The following TBATA variants were observed in gnomAD, a reference collection of about 807,000 sequenced individuals.
TBATA encodes the protein thymus, brain and testes associated, also known as protein TBATA.
A neutral mutation model predicts 38.7 loss-of-function variants in TBATA; 47 were observed. The observed-to-expected ratio is 1.21, with a 90% CI of 0.96 to 1.55. The LOEUF is 1.55. TBATA is among the 40% of genes most tolerant of loss of function. The pLI is 0.00. For synonymous variants in TBATA, 183 were observed against 170.5 expected (o/e 1.07, Z -0.57); for missense variants, 436 against 435.6 (o/e 1.00, Z -0.01).
Position 70,771,988 on chromosome 10 carries a change from C to A in TBATA, c.973+526G>T, listed in dbSNP as rs751688133. Reference sequence around the variant, plus strand: ...TTTACCGCAGGCCAGCTCCTCCCACCTGTCTCATGCCTCCCTTACCACTGT... The same window carrying A: ...TTTACCGCAGGCCAGCTCCTCCCACATGTCTCATGCCTCCCTTACCACTGT... On this transcript the variant is annotated intron_variant, in intron 10 of 10. Coordinates refer to ENST00000456372, the MANE Select transcript of TBATA (RefSeq NM_001318241.2). Among the ~76,000 whole-genome samples, 121 of 152,306 alleles carry A rather than the reference C, an allele frequency of 7.9e-4. 1 individual carries two copies. The highest frequency in any genetic ancestry group is 2.6e-4 in the Non-Finnish European group (18 of 68,030).
chr10:70,781,749 A>G (rs1844242564), intron 4 of TBATA, 52 bp downstream of exon 4: 2 of 1,527,326 alleles, frequency 1.3e-6, no homozygotes, highest in East Asian at 2.3e-5. Context: ...CCAGTTCTCA[A>G]GACCAATTAG....
Position 70,783,554 on chromosome 10 carries a change from T to C in TBATA, c.-146-29A>G, listed in dbSNP as rs75485487. On this transcript the variant is annotated intron_variant, in intron 2 of 10. Transcript: ENST00000456372. ...TAGGGGGAGAAATGGTAATATCTTT[T>C]AAAATTGAGCATTTGCATGCTGTAT... 5,571 of 660,816 alleles carry C rather than the reference T, an allele frequency of 8.4e-3. 220 individuals carry two copies. The African/African-American group carries it at 0.09, about 11-fold the overall frequency. The allele number at this position is 660,816 out of a possible 1,614,324, so 40.9% of individuals were successfully genotyped here.
In TBATA at chr10:70,782,009, C is replaced by A. The variant is rs776121365; in HGVS notation, c.69G>T (p.Lys23Asn). The A allele has an allele frequency of 2.1e-5, 34 of 1,614,120 alleles. No individual in the cohort carries two copies. Among genetic ancestry groups the A allele is most frequent in the African/African-American group, 2.7e-5 (2 of 74,944 alleles). ...GGCTCCTTGGCTTGCGCCCTGACTTCTTCTCCAGTTTCAGCTCAGCCTTTG... is the reference window on the plus strand; with the variant it reads ...GGCTCCTTGGCTTGCGCCCTGACTTATTCTCCAGTTTCAGCTCAGCCTTTG... ...MSPKAELKLEKKSGRKPRSPR... is the reference protein window; with the variant it reads ...MSPKAELKLENKSGRKPRSPR... Residue 23 changes from lysine (K) to asparagine (N), a missense_variant, in exon 4 of 11, where the codon AAG (lysine) becomes AAT (asparagine). By Grantham distance (94) the Lys-to-Asn change is moderately conservative (BLOSUM62 0). Transcript: ENST00000456372.
At chr10:70,779,463 G>A in intron 5 of TBATA, 130 bp downstream of exon 5, 2 of 1,095,928 alleles carry the variant, frequency 1.8e-6, no homozygotes, top group African/African-American at 1.6e-5. Context: ...GAGAAAAAGT[G>A]GGGTTCCCCC....
chr10:70,781,949 G>A lies in TBATA; in HGVS notation c.129C>T (p.Ile43=), dbSNP rs141380933. Reference sequence around the variant, plus strand: ...TCCGCTCGAAATCCACAATCCCTGGGATCACCAGTTCTTTCTGTGGCCCAC... The same window carrying A: ...TCCGCTCGAAATCCACAATCCCTGGAATCACCAGTTCTTTCTGTGGCCCAC... ...RDSGPQKELV[I]PGIVDFERIR... The change falls in exon 4 of 11, where the codon ATC becomes ATT. Residue 43 remains isoleucine, a synonymous_variant. Coordinates refer to ENST00000456372, the MANE Select transcript of TBATA (RefSeq NM_001318241.2). 3.7e-5 allele frequency: 60 copies of A among 1,614,128 alleles called. No individual in the cohort carries two copies. Among genetic ancestry groups the A allele is most frequent in the Non-Finnish European group, 5.1e-5 (60 of 1,180,052 alleles).
intron 4 of TBATA, among the ~76,000 whole-genome samples, chr10:70,781,527 T>A (rs1012037599): frequency 1.3e-5 from 2 of 152,252 alleles, no homozygotes; most frequent in African/African-American, 2.4e-5. Context: ...AACAGAGCAC[T>A]GCTCCAGGAC....
At chr10:70,780,308 T>C (rs557058420) in intron 4 of TBATA, among the ~76,000 whole-genome samples, 1 of 152,236 alleles carries the variant, frequency 6.6e-6, no homozygotes, top group Non-Finnish European at 1.5e-5. Flanking sequence ...GTGATTATTA[T>C]ATCACTATTG....
At chr10:70,776,555 G>A (rs1166791962) in intron 7 of TBATA, among the ~76,000 whole-genome samples, 1 of 152,234 alleles carries the variant, frequency 6.6e-6, no homozygotes, top group Non-Finnish European at 1.5e-5. Flanking sequence ...CAGAGGGAGT[G>A]TGTGCCTGAC....
In TBATA at chr10:70,780,633, G is replaced by A. The variant is rs1017627191; in HGVS notation, c.278-891C>T. Among the ~76,000 whole-genome samples, 15 of 151,886 alleles carry A rather than the reference G, an allele frequency of 9.9e-5. 1 individual carries two copies. The South Asian group carries it at 1.3e-3, about 13-fold the overall frequency. ...GAACTCCAGATCCGACTGCACCCCC[G>A]TACCTCCACCTGGAGGTCTAGAAAG... On this transcript the variant is annotated intron_variant, in intron 4 of 10. Transcript: ENST00000456372.
Position 70,777,239 on chromosome 10 carries a change from G to A in TBATA, c.607C>T (p.Arg203Cys), listed in dbSNP as rs773032781. 2.9e-5 allele frequency: 46 copies of A among 1,613,466 alleles called. No individual in the cohort carries two copies. Among genetic ancestry groups the A allele is most frequent in the Middle Eastern group, 1.6e-4 (1 of 6,082 alleles). Reference sequence around the variant, plus strand: ...CTCTGCTGGCCCTGGTGAGATCTGCGGCGGCCGACAGCCCGGGTGGAAGCG... The same window carrying A: ...CTCTGCTGGCCCTGGTGAGATCTGCAGCGGCCGACAGCCCGGGTGGAAGCG... ...IPASTRAVGR[R>C]RSHQGQQSQS... Residue 203 changes from arginine to cysteine, a missense_variant, in exon 7 of 11, where the codon CGC (arginine) becomes TGC (cysteine). Transcript: ENST00000456372.
intron 8 of TBATA, among the ~76,000 whole-genome samples, 181 bp from the exon 9 acceptor site, chr10:70,774,538 C>T (rs1843140841): frequency 6.6e-6 from 1 of 152,084 alleles, no homozygotes; most frequent in Non-Finnish European, 1.5e-5. Flanking sequence ...AGCCCCTAGC[C>T]CTTTCACATC....
At chr10:70,773,279 C>T (rs1321708766) in intron 9 of TBATA, among the ~76,000 whole-genome samples, 1 of 152,176 alleles carries the variant, frequency 6.6e-6, no homozygotes, top group African/African-American at 2.4e-5. Context: ...CACCCATGCT[C>T]CAGACACCTC....
chr10:70,772,599 G>T, intron 9 of TBATA, 33 bp from the exon 10 acceptor site: 1 of 1,613,364 alleles, frequency 6.2e-7, no homozygotes, highest in Middle Eastern at 1.6e-4. Flanking sequence ...GGCTGGGAAG[G>T]TCATGCTGGA....
chr10:70,771,941 A>G (rs2791196), intron 10 of TBATA, among the ~76,000 whole-genome samples: 56,552 of 151,632 alleles, frequency 0.37, 11,782 homozygotes, highest in East Asian at 0.83. Flanking sequence ...ACCCTCTTCT[A>G]CACCCATGCA....
At chr10:70,776,056 G>T (rs370696523) in intron 7 of TBATA, among the ~76,000 whole-genome samples, 1 of 152,216 alleles carries the variant, frequency 6.6e-6, no homozygotes, top group African/African-American at 2.4e-5. Flanking sequence ...GCAGGCTGGA[G>T]TTGGGGCCTG....
At position 70,780,015 on chromosome 10, in the gene TBATA, C is replaced by T. The variant is rs75039518; in HGVS notation, c.278-273G>A. ...GAGACAAGAACTTAGGCTTCCTGGG[C>T]CCCTAGTCCTGGGGATCTTCCGATT... On this transcript the variant is annotated intron_variant, in intron 4 of 10. Transcript: ENST00000456372. Among the ~76,000 whole-genome samples, 438 of 152,284 alleles carry T rather than the reference C, an allele frequency of 2.9e-3. 12 individuals carry two copies. In the East Asian group the frequency reaches 0.073, roughly 25 times the overall value.
At chr10:70,784,353 A>G (rs12260604) in intron 2 of TBATA, among the ~76,000 whole-genome samples, 1,737 of 152,312 alleles carry the variant, frequency 0.011, 35 homozygotes, top group African/African-American at 0.04. Context: ...TAAATAAACT[A>G]ATTAAATGGC....
In TBATA at chr10:70,783,426, T is replaced by C; in HGVS notation, c.-47A>G. The C allele has an allele frequency of 2.5e-6, 4 of 1,602,594 alleles. No individual in the cohort carries two copies. Among genetic ancestry groups the C allele is most frequent in the Non-Finnish European group, 2.6e-6 (3 of 1,170,802 alleles). ...AAGGCCAGTGCACTTAATACTAGCG[T>C]TGAGGATGCAGAACAGGAACTCTCA... On this transcript the variant is annotated 5_prime_UTR_variant, in exon 3 of 11. Transcript: ENST00000456372.
At chr10:70,773,468 C>CG (rs1554826516) in intron 9 of TBATA, among the ~76,000 whole-genome samples, 3 of 151,538 alleles carry the variant, frequency 2.0e-5, no homozygotes, top group Non-Finnish European at 2.9e-5. Flanking sequence ...AATACAGGCC[C>CG]CCCCGGCTTC....
Sources: allele counts gnomAD v4.1 joint callset (sites outside exome capture counted in the v4.1 genomes callset), GRCh38; gene constraint gnomAD v4.1.1; transcripts MANE v1.5; gene names NCBI Gene and HGNC (gene_info 2026-07-23, HGNC 2026-07-21).